Variants in TTYH1 observed in about 807,000 individuals in gnomAD.
TTYH1 encodes the protein protein tweety homolog 1.
TTYH1 carries 33 observed loss-of-function variants against 61.2 expected under a neutral mutation model. The observed-to-expected ratio is 0.54, with a 90% CI of 0.41 to 0.72. The LOEUF (loss-of-function observed/expected upper bound fraction) is 0.72, where lower values mean the gene tolerates loss of function less well. TTYH1 is among the 30% of genes least tolerant of loss of function. The probability of loss-of-function intolerance (pLI) is 0.00; values close to 1 mark genes in which losing one functional copy is unlikely to be tolerated. For synonymous variants in TTYH1, 308 were observed against 266.4 expected, an observed-to-expected ratio of 1.16 and a Z score of -1.52; for missense variants, 538 against 575.8, an observed-to-expected ratio of 0.93 and a Z score of 0.67.
intron 5 of TTYH1, 27 bp downstream of exon 5, chr19:54,426,795 G>C (rs781137248): frequency 3.1e-6 from 5 of 1,595,610 alleles, no homozygotes; most frequent in Non-Finnish European, 4.3e-6. Flanking sequence ...GGGGGACCCA[G>C]TGCTTGCCTG....
In TTYH1 at chr19:54,426,787, G is replaced by A; in HGVS notation, c.734+19G>A. 1 of 1,606,320 alleles carries A rather than the reference G, an allele frequency of 6.2e-7. No homozygotes were observed. Among genetic ancestry groups the A allele is most frequent in the Non-Finnish European group, 8.5e-7 (1 of 1,174,494 alleles). On this transcript the variant is annotated intron_variant, in intron 5 of 13. Transcript: ENST00000376530. ...TGATCGTGTAAGTGCAGGCAGTAGG[G>A]GGACCCAGTGCTTGCCTGGCACTCT...
rs988378761 is a variant in TTYH1 at position 54,420,125 on chromosome 19, C to T, written c.305+819C>T. Among the ~76,000 whole-genome samples, 1 of 152,140 alleles carries T rather than the reference C, an allele frequency of 6.6e-6. No individual in the cohort carries two copies. Among genetic ancestry groups the T allele is most frequent in the Non-Finnish European group, 1.5e-5 (1 of 68,010 alleles). ...CACCCCTCAAAGCGAGCTTAGGGGG[C>T]TTCCAATGTGAACACACCAGCTACC... is the stretch of plus-strand genomic sequence containing the variant. On this transcript the variant is annotated intron_variant, in intron 2 of 13. Transcript: ENST00000376530. The surrounding 1 kb of genome is among the most constrained non-coding windows in gnomAD (Gnocchi z 4.8).
Position 54,420,953 on chromosome 19 carries a change from G to A in TTYH1, c.306-324G>A, listed in dbSNP as rs901926929. On this transcript the variant is annotated intron_variant, in intron 2 of 13. Coordinates refer to ENST00000376530, the MANE Select transcript of TTYH1 (RefSeq NM_020659.4). This position sits in a 1 kb window ranked among gnomAD's most constrained non-coding sequence, Gnocchi z 4.8. The stretch of plus-strand genomic sequence containing the variant: ...CAGGCAGTCCTAGGGAGGGGAAGAC[G>A]GCCCATCCCGGAGCTGGGTGTGACT... The A allele has an allele frequency of 7.3e-5, 31 of 425,988 alleles. No homozygotes were observed. Among genetic ancestry groups the A allele is most frequent in the African/African-American group, 1.4e-4 (7 of 49,608 alleles). The allele number at this position is 425,988 out of a possible 1,614,324, so 26.4% of individuals were successfully genotyped here. A position where few individuals can be genotyped will look rare whatever the true frequency, so the allele number is the denominator to read the frequency against.
chr19:54,425,419 C>A (rs188199936), intron 4 of TTYH1, among the ~76,000 whole-genome samples: 1 of 152,318 alleles, frequency 6.6e-6, no homozygotes, highest in East Asian at 1.9e-4. Context: ...GGGTTTCTAT[C>A]CAGATCATTG....
chr19:54,433,890 C>T (rs1330312096), intron 10 of TTYH1, among the ~76,000 whole-genome samples: 3 of 151,964 alleles, frequency 2.0e-5, no homozygotes, highest in Non-Finnish European at 2.9e-5. Context: ...GAGGCGGCAG[C>T]GTGAGAGGGT....
chr19:54,415,939 G>T lies in TTYH1; in HGVS notation c.126+261G>T. On this transcript the variant is annotated intron_variant, in intron 1 of 13. Coordinates refer to ENST00000376530, the MANE Select transcript of TTYH1 (RefSeq NM_020659.4). The surrounding 1 kb of genome is among the most constrained non-coding windows in gnomAD (Gnocchi z 5.2). ...CCTGCACCCCTGAGTTCATGGAGAG[G>T]AGGGGAGGGGGGCCCGGATTCCCGG... 13 of 963,624 alleles carry T rather than the reference G, an allele frequency of 1.3e-5. No homozygotes were observed. The South Asian group carries it at 1.8e-4, about 13-fold the overall frequency. 59.7% of individuals were successfully genotyped at this position (963,624 alleles called of 1,614,324 possible).
At position 54,436,557 on chromosome 19, in the gene TTYH1, C is replaced by A; in HGVS notation, c.*267C>A. ...CTCGCCTCGCACCCTTCATCCCTGGCTGCCGGTCCCATCCTTGGAGGGACT... is the reference window on the plus strand; with the variant it reads ...CTCGCCTCGCACCCTTCATCCCTGGATGCCGGTCCCATCCTTGGAGGGACT... On this transcript the variant is annotated 3_prime_UTR_variant, in exon 14 of 14. Transcript: ENST00000376530. The surrounding 1 kb of genome is among the most constrained non-coding windows in gnomAD (Gnocchi z 4.3). The A allele has an allele frequency of 1.5e-6, 1 of 650,712 alleles. No individual in the cohort carries two copies. The highest frequency in any genetic ancestry group is 2.7e-6 in the Non-Finnish European group (1 of 369,534). 40.3% of individuals were successfully genotyped at this position (650,712 alleles called of 1,614,324 possible). A position where few individuals can be genotyped will look rare whatever the true frequency, so the allele number is the denominator to read the frequency against.
intron 4 of TTYH1, among the ~76,000 whole-genome samples, chr19:54,423,171 G>C (rs1357962445): frequency 6.6e-6 from 1 of 151,270 alleles, no homozygotes; most frequent in Non-Finnish European, 1.5e-5. Flanking sequence ...TCGTTCATCC[G>C]TGTGACATGT....
Position 54,421,512 on chromosome 19 carries a change from G to T in TTYH1, c.417+124G>T. The T allele has an allele frequency of 1.4e-6, 1 of 711,996 alleles. No individual in the cohort carries two copies. The highest frequency in any genetic ancestry group is 2.7e-5 in the East Asian group (1 of 37,686). The allele number at this position is 711,996 out of a possible 1,614,324, so 44.1% of individuals were successfully genotyped here. On this transcript the variant is annotated intron_variant, in intron 3 of 13. Coordinates refer to ENST00000376530, the MANE Select transcript of TTYH1 (RefSeq NM_020659.4). The surrounding 1 kb of genome is among the most constrained non-coding windows in gnomAD (Gnocchi z 4.8). ...CTTGAAGCTTAGGAACCCAGATTCA[G>T]AACTTCATCCTGAGACCCACAGACC...
Position 54,415,718 on chromosome 19 carries a change from G to T in TTYH1, c.126+40G>T. 6.7e-7 allele frequency: 1 copy of T among 1,494,358 alleles called. No homozygotes were observed. The highest frequency in any genetic ancestry group is 8.9e-7 in the Non-Finnish European group (1 of 1,123,038). The allele number at this position is 1,494,358 out of a possible 1,614,324, so 92.6% of individuals were successfully genotyped here. The stretch of plus-strand genomic sequence containing the variant: ...CAGGGCCTGGGGGCCAGGGCTGGGG[G>T]CCGGAGCTCCTGGGTCCCGAGGGAG... On this transcript the variant is annotated intron_variant, in intron 1 of 13. Transcript: ENST00000376530. This position sits in a 1 kb window ranked among gnomAD's most constrained non-coding sequence, Gnocchi z 5.2.
At position 54,420,272 on chromosome 19, in the gene TTYH1, G is replaced by A. The variant is rs191926575; in HGVS notation, c.305+966G>A. Among the ~76,000 whole-genome samples, 276 of 150,960 alleles carry A rather than the reference G, an allele frequency of 1.8e-3. No individual in the cohort carries two copies. Among genetic ancestry groups the A allele is most frequent in the Non-Finnish European group, 2.8e-3 (192 of 68,004 alleles). On this transcript the variant is annotated intron_variant, in intron 2 of 13. Transcript: ENST00000376530. The surrounding 1 kb of genome is among the most constrained non-coding windows in gnomAD (Gnocchi z 4.8). ...CAGACGCCTGCCCCGGACCCACAGC[G>A]GGCAAGGGGAGGGACCTGTAGGGGT...
At chr19:54,430,131 C>A (rs1320509404) in intron 7 of TTYH1, among the ~76,000 whole-genome samples, 174 bp downstream of exon 7, 1 of 152,174 alleles carries the variant, frequency 6.6e-6, no homozygotes, top group Non-Finnish European at 1.5e-5. Flanking sequence ...GCTCGGAGCC[C>A]TCCTGGAGCC....
rs1260321700 is a variant in TTYH1, at chr19:54,416,792, C to A, written c.126+1114C>A. 7.7e-7 allele frequency: 1 copy of A among 1,294,074 alleles called. No individual in the cohort carries two copies. Among genetic ancestry groups the A allele is most frequent in the Non-Finnish European group, 1.0e-6 (1 of 988,718 alleles). 80.2% of individuals were successfully genotyped at this position (1,294,074 alleles called of 1,614,324 possible). ...ACCGCCGTCCCCTCGCCCACAGCCT[C>A]GCGGTTACACAACGGCCACCTCCAA... On this transcript the variant is annotated intron_variant, in intron 1 of 13. Transcript: ENST00000376530. The surrounding 1 kb of genome is among the most constrained non-coding windows in gnomAD (Gnocchi z 7.0).
intron 4 of TTYH1, among the ~76,000 whole-genome samples, chr19:54,424,574 C>T (rs546912959): frequency 3.9e-5 from 6 of 152,334 alleles, no homozygotes; most frequent in South Asian, 2.1e-4. Context: ...CTGCACAAGC[C>T]GGGCCTCAGC....
Position 54,431,417 on chromosome 19 carries a change from TC to T in TTYH1, c.1125+232del, listed in dbSNP as rs998953093. The T allele has an allele frequency of 2.3e-5, 12 of 532,876 alleles. No individual in the cohort carries two copies. In the African/African-American group the frequency reaches 2.4e-4, roughly 11 times the overall value. 33.0% of individuals were successfully genotyped at this position (532,876 alleles called of 1,614,324 possible). A position where few individuals can be genotyped will look rare whatever the true frequency, so the allele number is the denominator to read the frequency against. On this transcript the variant is annotated intron_variant, in intron 10 of 13. Transcript: ENST00000376530. Reference sequence around the variant, plus strand: ...ATATTCCTTCCCTCCTCCCTCCCTTTCCCCCCAACTCCCGCACTCCCCGCTG... The same window carrying T: ...ATATTCCTTCCCTCCTCCCTCCCTTTCCCCCAACTCCCGCACTCCCCGCTG...
Position 54,436,106 on chromosome 19 carries a change from G to C in TTYH1, c.1330G>C (p.Val444Leu), listed in dbSNP as rs1479371224. The C allele has an allele frequency of 1.2e-6, 2 of 1,614,130 alleles. No individual in the cohort carries two copies. The highest frequency in any genetic ancestry group is 1.6e-4 in the Middle Eastern group (1 of 6,062). The change falls in exon 13 of 14, where the codon GTG (valine) becomes CTG (leucine). Residue 444 changes from valine (V) to leucine (L), a missense_variant. This residue lies in a region of TTYH1 where 378 missense variants were observed against 401.2 expected (regional missense o/e 0.94). Transcript: ENST00000376530. The surrounding 1 kb of genome is among the most constrained non-coding windows in gnomAD (Gnocchi z 4.3). ...CTCCTAGCAGGAATCCAAGCGCTTT[G>C]TGCAGTGGCAGTCGTCTATCTGAGC... ...PFNPQESKRF[V>L]QWQSSI
intron 4 of TTYH1, among the ~76,000 whole-genome samples, chr19:54,424,897 G>T (rs1004913556): frequency 6.6e-6 from 1 of 152,080 alleles, no homozygotes; most frequent in Non-Finnish European, 1.5e-5. Flanking sequence ...TTGTTACGGC[G>T]GGTCCTTGCT....
At chr19:54,431,226 G>A in intron 10 of TTYH1, 35 bp downstream of exon 10, 1 of 1,511,906 alleles carries the variant, frequency 6.6e-7, no homozygotes, top group Non-Finnish European at 9.2e-7. Context: ...CTTCTCCCAC[G>A]GGGGGCCTCT....
intron 5 of TTYH1, among the ~76,000 whole-genome samples, chr19:54,428,076 TAA>T (rs2083364840): frequency 1.6e-5 from 2 of 127,108 alleles, no homozygotes; most frequent in Non-Finnish European, 3.3e-5. Flanking sequence ...CACTCCCGGC[TAA>T]GTTTTTTTTT....
Sources: gnomAD v4.1 joint callset for allele counts (sites outside exome capture counted in the v4.1 genomes callset) on GRCh38, gnomAD v4.1.1 for gene constraint, gnomAD v4.1.1 regional missense constraint, Gnocchi (gnomAD v3.1) non-coding constraint, MANE v1.5 for transcripts, NCBI Gene and HGNC (gene_info 2026-07-23, HGNC 2026-07-21) for gene names.